PHACTR2: variants seen among roughly 807,000 people sequenced by gnomAD.
The protein encoded by PHACTR2 is chromosome 6 open reading frame 56.
Under a neutral mutation model 76.0 loss-of-function variants are expected in PHACTR2, and 30 were observed. That is an observed-to-expected ratio of 0.39 (90% CI 0.30 to 0.54). PHACTR2 has a LOEUF of 0.54. PHACTR2 is among the 20% of genes least tolerant of loss of function. The pLI is 0.61. For synonymous variants in PHACTR2, 292 were observed against 292.5 expected, an observed-to-expected ratio of 1.00 and a Z score of 0.02; for missense variants, 696 against 781.1, an observed-to-expected ratio of 0.89 and a Z score of 1.30.
At chr6:143,657,243 G>A (rs1159596969) in intron 1 of PHACTR2, among the ~76,000 whole-genome samples, 4 of 142,784 alleles carry the variant, frequency 2.8e-5, no homozygotes, top group African/African-American at 1.0e-4. Flanking sequence ...CAGAATTTAA[G>A]TAAAAAAAAA....
At position 143,627,621 on chromosome 6, in the gene PHACTR2, A is replaced by C. The variant is rs372922771; in HGVS notation, c.13+19299A>C. 1.5e-3 allele frequency among the ~76,000 whole-genome samples: 125 copies of C among 82,614 alleles called. No homozygotes were observed. The highest frequency in any genetic ancestry group is 4.1e-3 in the African/African-American group (123 of 30,024). 54.2% of individuals were successfully genotyped at this position (82,614 alleles called of 152,430 possible). On this transcript the variant is annotated intron_variant, in intron 1 of 11. Transcript: ENST00000305766. The surrounding 1 kb of genome is among the most constrained non-coding windows in gnomAD (Gnocchi z 4.3). ...CCACCACTTCCTTTTTTTTTTTTTG[A>C]GAAGAAGTCTCGCTCTGTCACCCAG...
chr6:143,792,355 A>G (rs1349578671), intron 11 of PHACTR2, among the ~76,000 whole-genome samples: 2 of 151,920 alleles, frequency 1.3e-5, no homozygotes, highest in African/African-American at 4.8e-5. Context: ...CTGGTATGCC[A>G]TTTTGCTAGA....
At chr6:143,758,314 G>A (rs1779353620) in intron 4 of PHACTR2, among the ~76,000 whole-genome samples, 1 of 152,180 alleles carries the variant, frequency 6.6e-6, no homozygotes, top group African/African-American at 2.4e-5. Context: ...AAGGTGACAT[G>A]TGTTACAGAT....
At chr6:143,568,083 T>G (rs1775387521) in intron 1 of PHACTR2, among the ~76,000 whole-genome samples, 1 of 152,208 alleles carries the variant, frequency 6.6e-6, no homozygotes, top group East Asian at 1.9e-4. Context: ...TGTTACATAT[T>G]TTCCTTTACC....
intron 4 of PHACTR2, among the ~76,000 whole-genome samples, chr6:143,759,392 G>C (rs972678515): frequency 6.8e-4 from 104 of 152,174 alleles, no homozygotes; most frequent in African/African-American, 2.4e-3. Context: ...GGTGGCTCAT[G>C]CCTGTAATCC....
At chr6:143,657,421 T>G (rs1000333038) in intron 1 of PHACTR2, among the ~76,000 whole-genome samples, 2 of 152,154 alleles carry the variant, frequency 1.3e-5, no homozygotes, top group Admixed American at 1.3e-4. Flanking sequence ...ATCTGATTTC[T>G]CCCCAGTACG....
chr6:143,765,118 G>T lies in PHACTR2; in HGVS notation c.695-143G>T. 1.5e-6 allele frequency: 1 copy of T among 667,790 alleles called. No homozygotes were observed. 41.4% of individuals were successfully genotyped at this position (667,790 alleles called of 1,614,324 possible). A position where few individuals can be genotyped will look rare whatever the true frequency, so the allele number is the denominator to read the frequency against. On this transcript the variant is annotated intron_variant, in intron 5 of 12. Transcript: ENST00000440869. This position sits in a 1 kb window ranked among gnomAD's most constrained non-coding sequence, Gnocchi z 4.1. ...GGGCAGAAGACAAGACTATTATCAT[G>T]ATTAGCCTATTTTCTCTTATACATT...
In PHACTR2 at chr6:143,760,446, C is replaced by T. The variant is rs1227513313; in HGVS notation, c.500C>T (p.Pro167Leu). ...HSETPAAPALPPSAPPKPRPK... is the reference protein window; with the variant it reads ...HSETPAAPALLPSAPPKPRPK... The stretch of plus-strand genomic sequence containing the variant: ...GAAACACCGGCAGCTCCTGCTCTAC[C>T]TCCTTCTGCTCCTCCTAAGCCTAGA... Residue 167 changes from proline to leucine, a missense_variant, in exon 5 of 13, where the codon CCT becomes CTT. Transcript: ENST00000440869. This position sits in a 1 kb window ranked among gnomAD's most constrained non-coding sequence, Gnocchi z 6.4. The T allele has an allele frequency of 1.2e-6, 2 of 1,613,582 alleles. No homozygotes were observed. The highest frequency in any genetic ancestry group is 1.1e-5 in the South Asian group (1 of 91,058).
chr6:143,607,269 C>T (rs1255636315), upstream of PHACTR2, among the ~76,000 whole-genome samples: 5 of 152,188 alleles, frequency 3.3e-5, no homozygotes, highest in Non-Finnish European at 4.4e-5. Flanking sequence ...AATCTTTGTA[C>T]TATATTTGAG....
In PHACTR2 at chr6:143,537,026, G is replaced by T. The variant is rs1781123421; in HGVS notation, c.36G>T (p.Pro12=). The T allele has an allele frequency of 1.2e-5, 2 of 171,796 alleles. No homozygotes were observed. Among genetic ancestry groups the T allele is most frequent in the African/African-American group, 4.8e-5 (2 of 41,380 alleles). The allele number at this position is 171,796 out of a possible 1,614,324, so 10.6% of individuals were successfully genotyped here. A position where few individuals can be genotyped will look rare whatever the true frequency, so the allele number is the denominator to read the frequency against. The change falls in exon 1 of 12, where the codon CCG becomes CCT. Residue 12 remains proline (P), a synonymous_variant. Coordinates refer to the PHACTR2 transcript ENST00000367584. This position sits in a 1 kb window ranked among gnomAD's most constrained non-coding sequence, Gnocchi z 4.4. ...CGGGCTGGCGCCCCGCGGCGTCCCC[G>T]GTCGATCCGGCCGGGCAGGCGGCGG...
intron 5 of PHACTR2, among the ~76,000 whole-genome samples, chr6:143,762,145 G>C (rs977326999): frequency 6.6e-6 from 1 of 152,090 alleles, no homozygotes; most frequent in Non-Finnish European, 1.5e-5. Context: ...TAAAGTGAGG[G>C]AGGCACTGAT....
At position 143,602,990 on chromosome 6, in the gene PHACTR2, C is replaced by T. The variant is rs916698864; in HGVS notation, c.217+65783C>T. Among the ~76,000 whole-genome samples, 59 of 151,998 alleles carry T rather than the reference C, an allele frequency of 3.9e-4. 1 individual carries two copies. The highest frequency in any genetic ancestry group is 3.9e-3 in the Admixed American group (59 of 15,276). On this transcript the variant is annotated intron_variant, in intron 1 of 11. Transcript: ENST00000367584. This position sits in a 1 kb window ranked among gnomAD's most constrained non-coding sequence, Gnocchi z 6.1. The stretch of plus-strand genomic sequence containing the variant: ...CAAAACCCCGTCTCTACTAAAAATA[C>T]AAAAACTAGCCAGACATGGTGGTGC...
chr6:143,818,356 G>A lies in PHACTR2; in HGVS notation c.1923-5318G>A, dbSNP rs1224567461. On this transcript the variant is annotated intron_variant, in intron 12 of 12. Transcript: ENST00000440869. The surrounding 1 kb of genome is among the most constrained non-coding windows in gnomAD (Gnocchi z 4.9). ...TTACCAGCTGTCTCTCTCTGCCTTGGGCAAATGAGTTAGCATCCCCATGCC... is the reference window on the plus strand; with the variant it reads ...TTACCAGCTGTCTCTCTCTGCCTTGAGCAAATGAGTTAGCATCCCCATGCC... 6.6e-6 allele frequency among the ~76,000 whole-genome samples: 1 copy of A among 152,074 alleles called. No homozygotes were observed.
In PHACTR2 at chr6:143,663,163, T is replaced by G. The variant is rs949715362; in HGVS notation, c.14-48853T>G. Among the ~76,000 whole-genome samples, 5 of 152,202 alleles carry G rather than the reference T, an allele frequency of 3.3e-5. No individual in the cohort carries two copies. Among genetic ancestry groups the G allele is most frequent in the African/African-American group, 1.2e-4 (5 of 41,460 alleles). On this transcript the variant is annotated intron_variant, in intron 1 of 11. Transcript: ENST00000305766. The surrounding 1 kb of genome is among the most constrained non-coding windows in gnomAD (Gnocchi z 4.1). ...GTCTCTGCTATTGTGAATAGCACAG[T>G]GATGAACGTACGAGTGCATGTGTCT... is the stretch of plus-strand genomic sequence containing the variant.
At chr6:143,645,436 A>G (rs967322714) in intron 1 of PHACTR2, among the ~76,000 whole-genome samples, 2 of 152,166 alleles carry the variant, frequency 1.3e-5, no homozygotes, top group African/African-American at 4.8e-5. Flanking sequence ...ATGAAACATC[A>G]TATGTTATTT....
Position 143,731,026 on chromosome 6 carries a change from G to A in PHACTR2, c.215-17959G>A, listed in dbSNP as rs998161101. 6.6e-6 allele frequency among the ~76,000 whole-genome samples: 1 copy of A among 152,184 alleles called. No homozygotes were observed. Among genetic ancestry groups the A allele is most frequent in the African/African-American group, 2.4e-5 (1 of 41,438 alleles). On this transcript the variant is annotated intron_variant, in intron 2 of 12. Transcript: ENST00000440869. The surrounding 1 kb of genome is among the most constrained non-coding windows in gnomAD (Gnocchi z 4.9). Reference sequence around the variant, plus strand: ...GCCTTCAAAAGTGCTGAGATTACAGGCGTGAGCCACCACGTCCAGCCCAGT... The same window carrying A: ...GCCTTCAAAAGTGCTGAGATTACAGACGTGAGCCACCACGTCCAGCCCAGT...
rs554733754 is a variant in PHACTR2 at position 143,705,439 on chromosome 6, C to T, written c.47-6577C>T. The stretch of plus-strand genomic sequence containing the variant: ...CCTCCCGAGTAGCTGGGACTACAGG[C>T]GCCCGCCACTGCGCCCAGCCAATTT... On this transcript the variant is annotated intron_variant, in intron 1 of 12. Transcript: ENST00000440869. 2.0e-4 allele frequency among the ~76,000 whole-genome samples: 30 copies of T among 151,948 alleles called. No homozygotes were observed. In the South Asian group the frequency reaches 5.0e-3, roughly 25 times the overall value.
In PHACTR2 at chr6:143,816,241, C is replaced by T. The variant is rs1391435112; in HGVS notation, c.1923-7433C>T. Among the ~76,000 whole-genome samples, 1 of 152,118 alleles carries T rather than the reference C, an allele frequency of 6.6e-6. No homozygotes were observed. The highest frequency in any genetic ancestry group is 2.4e-5 in the African/African-American group (1 of 41,420). ...CATGCTGTCACATAGACAAACTTCT[C>T]AAGACGTAAAGCTGAACTTCTCCTA... On this transcript the variant is annotated intron_variant, in intron 12 of 12. Coordinates refer to ENST00000440869, the MANE Select transcript of PHACTR2 (RefSeq NM_001100164.2). This position sits in a 1 kb window ranked among gnomAD's most constrained non-coding sequence, Gnocchi z 4.5.
chr6:143,760,489 A>C lies in PHACTR2; in HGVS notation c.543A>C (p.Lys181Asn). ...PPKPRPKPKP[K>N]KSPVPPKGAT... The stretch of plus-strand genomic sequence containing the variant: ...AGCCTAGACCCAAACCTAAACCCAA[A>C]AAATCACCTGTGCCTCCGAAAGGGG... The change falls in exon 5 of 13, where the codon AAA (lysine) becomes AAC (asparagine). Residue 181 changes from lysine to asparagine, a missense_variant. Lys to Asn is a moderately conservative substitution (Grantham distance 94). Around this residue, in one of 2 missense-constraint regions of PHACTR2, gnomAD observed 460 missense variants for 450.9 expected, o/e 1.02. Transcript: ENST00000440869. The surrounding 1 kb of genome is among the most constrained non-coding windows in gnomAD (Gnocchi z 6.4). The C allele has an allele frequency of 6.2e-7, 1 of 1,613,910 alleles. No individual in the cohort carries two copies. The highest frequency in any genetic ancestry group is 1.1e-5 in the South Asian group (1 of 91,068).
Sources: gnomAD v4.1 joint callset for allele counts (sites outside exome capture counted in the v4.1 genomes callset) on GRCh38, gnomAD v4.1.1 for gene constraint, gnomAD v4.1.1 regional missense constraint, Gnocchi (gnomAD v3.1) non-coding constraint, MANE v1.5 for transcripts, NCBI Gene and HGNC (gene_info 2026-07-23, HGNC 2026-07-21) for gene names.